ARHGEF9: variants seen among roughly 807,000 people sequenced by gnomAD.
ARHGEF9 encodes the protein rho guanine nucleotide exchange factor 9.
In ARHGEF9, 2 loss-of-function variants were observed where a neutral mutation model predicts 41.3. The ratio of observed to expected loss-of-function variants is 0.05; its 90% CI spans 0.02 to 0.15. The LOEUF (loss-of-function observed/expected upper bound fraction) is 0.15. Ranked by LOEUF, ARHGEF9 falls within the 10% of genes least tolerant of loss-of-function variation. The probability of loss-of-function intolerance (pLI) is 1.00; values close to 1 mark genes in which losing one functional copy is unlikely to be tolerated. For synonymous variants in ARHGEF9, 160 were observed against 154.4 expected (o/e 1.04, Z -0.27); for missense variants, 225 against 424.7 (o/e 0.53, Z 4.13).
intron 1 of ARHGEF9, chrX:63,766,808 T>C: frequency 3.8e-6 from 1 of 264,145 alleles, no homozygotes; most frequent in South Asian, 4.8e-5. Context: ...TAACCTCAGC[T>C]GAGCCATCCA....
intron 4 of ARHGEF9, among the ~76,000 whole-genome samples, chrX:63,689,870 A>C (rs1331359887): frequency 1.8e-5 from 2 of 112,119 alleles, no homozygotes; most frequent in Non-Finnish European, 3.8e-5. Context: ...AATACACCGA[A>C]ATTAAATACA....
intron 9 of ARHGEF9, among the ~76,000 whole-genome samples, chrX:63,643,295 T>C (rs781890000): frequency 1.2e-4 from 13 of 111,890 alleles, no homozygotes; most frequent in Non-Finnish European, 2.1e-4. Flanking sequence ...TTTATTGTGA[T>C]TTGGGTCTCC....
chrX:63,783,985 A>G (rs1294128294), intron 1 of ARHGEF9, among the ~76,000 whole-genome samples: 1 of 112,063 alleles, frequency 8.9e-6, no homozygotes, highest in Non-Finnish European at 1.9e-5. Context: ...GGAAGGGAAG[A>G]GGACAGCCCC....
intron 8 of ARHGEF9, among the ~76,000 whole-genome samples, chrX:63,647,530 C>T (rs1486684959): frequency 2.7e-5 from 3 of 111,554 alleles, no homozygotes; most frequent in African/African-American, 9.8e-5. Context: ...TGCTGGATTA[C>T]ATTTATTGAT....
At chrX:63,661,497 C>T (rs782355610) in intron 7 of ARHGEF9, among the ~76,000 whole-genome samples, 11 of 111,650 alleles carry the variant, frequency 9.9e-5, no homozygotes, top group East Asian at 8.4e-4. Context: ...AATTATATCA[C>T]GAAGAAAATA....
At chrX:63,663,117 C>T (rs782547501) in intron 7 of ARHGEF9, among the ~76,000 whole-genome samples, 1 of 111,795 alleles carries the variant, frequency 8.9e-6, no homozygotes, top group East Asian at 2.8e-4. Flanking sequence ...TCTCTTACAA[C>T]CTCAGATCCT....
At chrX:63,675,854 G>C in intron 5 of ARHGEF9, among the ~76,000 whole-genome samples, 2 of 111,872 alleles carry the variant, frequency 1.8e-5, no homozygotes, top group East Asian at 5.6e-4. Context: ...CAGCCATTCA[G>C]TGGGGGCAAA....
intron 5 of ARHGEF9, among the ~76,000 whole-genome samples, chrX:63,674,534 T>G (rs187863763): frequency 2.7e-5 from 3 of 111,858 alleles, no homozygotes; most frequent in African/African-American, 9.8e-5. Context: ...TAAGAGTTTT[T>G]AAGGATTCAG....
intron 8 of ARHGEF9, among the ~76,000 whole-genome samples, chrX:63,652,220 T>A (rs1315749651): frequency 9.0e-6 from 1 of 111,538 alleles, no homozygotes; most frequent in Non-Finnish European, 1.9e-5. Flanking sequence ...AAGCTAAATA[T>A]AAAATGAATG....
Position 63,768,475 on chromosome X carries a change from C to A in ARHGEF9, c.30+16641G>T, listed in dbSNP as rs187248655. On this transcript the variant is annotated intron_variant, in intron 1 of 9. Coordinates refer to ENST00000671741, the MANE Select transcript of ARHGEF9 (RefSeq NM_001353921.2). The stretch of plus-strand genomic sequence containing the variant: ...GGGTGTCTTTTTGATATAATGACTT[C>A]TTTCCCTCTGGGCAGATACCCAGTA... Among the ~76,000 whole-genome samples, 328 of 112,298 alleles carry A rather than the reference C, an allele frequency of 2.9e-3. 2 individuals carry two copies. Among genetic ancestry groups the A allele is most frequent in the African/African-American group, 0.01 (314 of 30,921 alleles).
intron 6 of ARHGEF9, among the ~76,000 whole-genome samples, chrX:63,672,828 GCT>G (rs1275051949): frequency 9.0e-6 from 1 of 111,642 alleles, no homozygotes; most frequent in East Asian, 2.8e-4. Flanking sequence ...ATTTGGTCCA[GCT>G]CTCTGCCTTT....
In ARHGEF9 at chrX:63,636,081, T is replaced by A. The variant is rs2047301964; in HGVS notation, c.*1947A>T. 1 of 112,247 alleles carries A rather than the reference T, an allele frequency of 8.9e-6. No homozygotes were observed. The highest frequency in any genetic ancestry group is 3.2e-5 in the African/African-American group (1 of 30,862). 9.3% of individuals were successfully genotyped at this position (112,247 alleles called of 1,213,427 possible). ...AAACTTAAATAGCTTGTAATTTGAT[T>A]CCCACAAAGAAAAGATTCCCAGGCT... On this transcript the variant is annotated 3_prime_UTR_variant, in exon 10 of 10. Transcript: ENST00000671741.
At position 63,678,408 on chromosome X, in the gene ARHGEF9, T is replaced by C. The variant is rs369716500; in HGVS notation, c.747A>G (p.Pro249=). Residue 249 remains proline (P), a synonymous_variant, in exon 5 of 10, where the codon CCA becomes CCG. Transcript: ENST00000671741. ...DIAIDGFLLT[P]VQKICKYPLQ... is the part of the protein sequence containing the mutation. The stretch of plus-strand genomic sequence containing the variant: ...AGGGATACTTGCAGATCTTCTGCAC[T>C]GGAGTCAAAAGGAAACCATCGATAG... 5.0e-6 allele frequency: 6 copies of C among 1,205,504 alleles called. No homozygotes were observed. The highest frequency in any genetic ancestry group is 1.8e-5 in the African/African-American group (1 of 57,095).
chrX:63,734,303 T>C (rs1556421577), intron 1 of ARHGEF9, among the ~76,000 whole-genome samples: 1 of 112,272 alleles, frequency 8.9e-6, no homozygotes, highest in African/African-American at 3.2e-5. Context: ...AGGTCCTATA[T>C]ACTACAACAG....
In ARHGEF9 at chrX:63,781,873, T is replaced by C. The variant is rs187108656; in HGVS notation, c.30+3243A>G. Among the ~76,000 whole-genome samples the C allele has an allele frequency of 5.9e-3, 657 of 112,132 alleles. 5 individuals carry two copies. The highest frequency in any genetic ancestry group is 9.1e-3 in the Admixed American group (97 of 10,621). ...GGACATTGGCCTCCTTGCTGTTCTT[T>C]AAACAAACCAGTTGTGTTCTTTCTG... On this transcript the variant is annotated intron_variant, in intron 1 of 9. Coordinates refer to ENST00000671741, the MANE Select transcript of ARHGEF9 (RefSeq NM_001353921.2).
intron 1 of ARHGEF9, among the ~76,000 whole-genome samples, chrX:63,732,968 C>CCT (rs200002971): frequency 3.6e-5 from 4 of 110,325 alleles, no homozygotes; most frequent in African/African-American, 6.6e-5. Context: ...CAGGCTGCAT[C>CCT]CTCTCTCTCT....
intron 1 of ARHGEF9, among the ~76,000 whole-genome samples, chrX:63,740,126 C>A (rs1474081647): frequency 1.8e-5 from 2 of 112,136 alleles, no homozygotes; most frequent in Non-Finnish European, 3.8e-5. Flanking sequence ...AGGAAGAAAT[C>A]CCTGCTCCTG....
At chrX:63,647,092 C>G (rs1339291939) in intron 8 of ARHGEF9, among the ~76,000 whole-genome samples, 2 of 111,897 alleles carry the variant, frequency 1.8e-5, no homozygotes, top group Non-Finnish European at 3.8e-5. Flanking sequence ...TATCCTGAGA[C>G]TTTGCTGAAG....
At chrX:63,731,718 C>T (rs1252477446) in intron 1 of ARHGEF9, among the ~76,000 whole-genome samples, 1 of 110,481 alleles carries the variant, frequency 9.1e-6, no homozygotes, top group African/African-American at 3.3e-5. Context: ...TTCCACCACA[C>T]CTGGCTAATT....
Sources: gnomAD v4.1 joint callset for allele counts (sites outside exome capture counted in the v4.1 genomes callset) on GRCh38, gnomAD v4.1.1 for gene constraint, MANE v1.5 for transcripts, NCBI Gene and HGNC (gene_info 2026-07-23, HGNC 2026-07-21) for gene names.